The following ARHGAP31 variants were observed in gnomAD, a reference collection of about 807,000 sequenced individuals.
ARHGAP31 encodes rho GTPase-activating protein 31.
Under a neutral mutation model 113.9 loss-of-function variants are expected in ARHGAP31, and 34 were observed. That is an observed-to-expected ratio of 0.30 (90% CI 0.23 to 0.40). The LOEUF (loss-of-function observed/expected upper bound fraction) is 0.40. Ranked by LOEUF, ARHGAP31 falls within the 10% of genes least tolerant of loss-of-function variation. The pLI is 1.00. For synonymous variants in ARHGAP31, 650 were observed against 684.8 expected (o/e 0.95, Z 0.79); for missense variants, 1,548 against 1,767.1 (o/e 0.88, Z 2.22).
intron 1 of ARHGAP31, among the ~76,000 whole-genome samples, chr3:119,348,980 G>C (rs116289479): frequency 0.049 from 7,476 of 152,260 alleles, 223 homozygotes; most frequent in Middle Eastern, 0.082. Flanking sequence ...CCCATAGGAG[G>C]CATTTCAGAG....
At chr3:119,304,346 C>A in intron 1 of ARHGAP31, among the ~76,000 whole-genome samples, 1 of 152,116 alleles carries the variant, frequency 6.6e-6, no homozygotes, top group East Asian at 1.9e-4. Context: ...AACCATCAGA[C>A]AGAGTGGGTT....
chr3:119,357,330 G>A (rs186879676), intron 1 of ARHGAP31, among the ~76,000 whole-genome samples: 86 of 152,264 alleles, frequency 5.6e-4, no homozygotes, highest in African/African-American at 2.0e-3. Context: ...GGAGTATCGG[G>A]TGCAAAGCCA....
At chr3:119,335,541 G>T (rs976443302) in intron 1 of ARHGAP31, among the ~76,000 whole-genome samples, 2 of 152,152 alleles carry the variant, frequency 1.3e-5, no homozygotes, top group Non-Finnish European at 2.9e-5. Context: ...AACCAGTGGC[G>T]CTGTGAGAAA....
intron 1 of ARHGAP31, among the ~76,000 whole-genome samples, chr3:119,319,830 G>A (rs1559965360): frequency 6.6e-6 from 1 of 152,128 alleles, no homozygotes; most frequent in Non-Finnish European, 1.5e-5. Flanking sequence ...CCTCAACCTA[G>A]TGACACCTCC....
Position 119,294,926 on chromosome 3 carries a change from C to A in ARHGAP31, c.22C>A (p.Gln8Lys), listed in dbSNP as rs747760819. The A allele has an allele frequency of 6.2e-7, 1 of 1,614,062 alleles. No individual in the cohort carries two copies. The change falls in exon 1 of 12, where the codon CAG becomes AAG. Residue 8 changes from glutamine to lysine, a missense_variant. Physicochemically the swap from Gln to Lys is moderately conservative, Grantham distance 53. Coordinates refer to ENST00000264245, the MANE Select transcript of ARHGAP31 (RefSeq NM_020754.4). MKNKGAKQKLKRKGAASA... is the reference protein window; with the variant it reads MKNKGAKKKLKRKGAASA... ...ACTCATGAAGAACAAGGGTGCTAAGCAGAAGCTGAAACGAAAGGGAGCCGC... is the reference window on the plus strand; with the variant it reads ...ACTCATGAAGAACAAGGGTGCTAAGAAGAAGCTGAAACGAAAGGGAGCCGC...
Position 119,415,169 on chromosome 3 carries a change from G to T in ARHGAP31, c.3240G>T (p.Ser1080=). 1.9e-6 allele frequency: 3 copies of T among 1,614,214 alleles called. No individual in the cohort carries two copies. Among genetic ancestry groups the T allele is most frequent in the Non-Finnish European group, 2.5e-6 (3 of 1,180,038 alleles). ...ESSPSVQDST[S]PGEHPAKLQL... ...CACCCAGCGTGCAGGACAGCACTTC[G>T]CCTGGAGAGCACCCCGCAAAGTTAC... Residue 1080 remains serine (S), a synonymous_variant, in exon 12 of 12, where the codon TCG becomes TCT. Coordinates refer to ENST00000264245, the MANE Select transcript of ARHGAP31 (RefSeq NM_020754.4).
At chr3:119,307,097 C>T (rs763291202) in intron 1 of ARHGAP31, among the ~76,000 whole-genome samples, 17 of 151,662 alleles carry the variant, frequency 1.1e-4, no homozygotes, top group Middle Eastern at 3.4e-3. Context: ...TTAACCTATC[C>T]GCAGTGTGTA....
rs1359731825 is a variant in ARHGAP31, at chr3:119,414,580, A to G, written c.2651A>G (p.Glu884Gly). The G allele has an allele frequency of 6.2e-7, 1 of 1,614,216 alleles. No homozygotes were observed. The highest frequency in any genetic ancestry group is 2.2e-5 in the East Asian group (1 of 44,876). Residue 884 changes from glutamate (E) to glycine (G), a missense_variant, in exon 12 of 12, where the codon GAG (glutamate) becomes GGG (glycine). Transcript: ENST00000264245. Reference protein sequence around the residue: ...EEEDVTHSVQEPSDCDEDDTV... With the variant: ...EEEDVTHSVQGPSDCDEDDTV... ...GAGGATGTAACCCATTCAGTACAGG[A>G]GCCTTCAGACTGTGACGAAGATGAC...
rs920639938 is a variant in ARHGAP31 at position 119,417,143 on chromosome 3, A to G, written c.*879A>G. ...TGAAGGCATCTGCTTTCTTTACAGT[A>G]TCAGAGTCCAAGAACAGGATGTCAC... On this transcript the variant is annotated 3_prime_UTR_variant, in exon 12 of 12. Coordinates refer to ENST00000264245, the MANE Select transcript of ARHGAP31 (RefSeq NM_020754.4). 3.9e-5 allele frequency: 6 copies of G among 152,262 alleles called. No homozygotes were observed. The highest frequency in any genetic ancestry group is 1.4e-4 in the African/African-American group (6 of 41,460). The allele number at this position is 152,262 out of a possible 1,614,324, so 9.4% of individuals were successfully genotyped here.
intron 1 of ARHGAP31, among the ~76,000 whole-genome samples, chr3:119,319,052 T>C (rs2079759436): frequency 6.6e-6 from 1 of 152,156 alleles, no homozygotes; most frequent in African/African-American, 2.4e-5. Flanking sequence ...TCTGCTGCCT[T>C]CTTTTGGGTA....
intron 1 of ARHGAP31, among the ~76,000 whole-genome samples, chr3:119,331,129 C>G (rs970247241): frequency 3.3e-5 from 5 of 152,122 alleles, no homozygotes; most frequent in African/African-American, 1.2e-4. Context: ...ATGGCCTGCC[C>G]TTGGTCAAAT....
chr3:119,360,064 T>C (rs926201020), intron 1 of ARHGAP31, among the ~76,000 whole-genome samples: 1 of 152,326 alleles, frequency 6.6e-6, no homozygotes, highest in South Asian at 2.1e-4. Flanking sequence ...CCGGCTCCTT[T>C]GTCATTCCTC....
At chr3:119,386,262 A>T (rs1390136422) in intron 6 of ARHGAP31, among the ~76,000 whole-genome samples, 1 of 150,854 alleles carries the variant, frequency 6.6e-6, no homozygotes, top group East Asian at 1.9e-4. Flanking sequence ...TTGGGCTGCT[A>T]TAAAAAAAAT....
intron 1 of ARHGAP31, among the ~76,000 whole-genome samples, chr3:119,344,062 G>A (rs1329463282): frequency 6.6e-6 from 1 of 152,174 alleles, no homozygotes; most frequent in East Asian, 1.9e-4. Flanking sequence ...GCAAAGAGTG[G>A]GAAAGGAACT....
At chr3:119,322,290 C>A (rs1450037054) in intron 1 of ARHGAP31, among the ~76,000 whole-genome samples, 1 of 152,194 alleles carries the variant, frequency 6.6e-6, no homozygotes, top group Non-Finnish European at 1.5e-5. Flanking sequence ...GGAATTTTAA[C>A]CTCCTGACTT....
intron 1 of ARHGAP31, among the ~76,000 whole-genome samples, chr3:119,323,902 C>T (rs1352596345): frequency 6.6e-6 from 1 of 152,242 alleles, no homozygotes; most frequent in Non-Finnish European, 1.5e-5. Context: ...AACGCGGTTT[C>T]CACATTTCCT....
intron 1 of ARHGAP31, among the ~76,000 whole-genome samples, chr3:119,300,742 G>A (rs185599421): frequency 6.6e-6 from 1 of 151,298 alleles, no homozygotes; most frequent in Non-Finnish European, 1.5e-5. Context: ...CAGGAGAATC[G>A]CTTGAACCTG....
At chr3:119,402,668 T>C (rs2080623073) in intron 10 of ARHGAP31, among the ~76,000 whole-genome samples, 1 of 152,214 alleles carries the variant, frequency 6.6e-6, no homozygotes, top group South Asian at 2.1e-4. Flanking sequence ...AATTATTTAA[T>C]ACATATGAAG....
At chr3:119,413,055 A>C (rs911630564) in intron 11 of ARHGAP31, among the ~76,000 whole-genome samples, 1 of 151,904 alleles carries the variant, frequency 6.6e-6, no homozygotes, top group African/African-American at 2.4e-5. Flanking sequence ...GGTGGCTCAC[A>C]CCTGTTAATC....
Sources: allele counts gnomAD v4.1 joint callset (sites outside exome capture counted in the v4.1 genomes callset), GRCh38; gene constraint gnomAD v4.1.1; transcripts MANE v1.5; gene names NCBI Gene and HGNC (gene_info 2026-07-23, HGNC 2026-07-21).